Variants in GALNT13 observed in about 807,000 individuals in gnomAD.
The protein encoded by GALNT13 is UDP-GalNAc:polypeptide N-acetylgalactosaminyltransferase 13.
Under a neutral mutation model 64.2 loss-of-function variants are expected in GALNT13, and 28 were observed. The observed-to-expected ratio is 0.44, with a 90% CI of 0.32 to 0.60. The LOEUF is 0.60. Ranked by LOEUF, GALNT13 falls within the 20% of genes least tolerant of loss-of-function variation. The pLI is 0.05. For synonymous variants in GALNT13, 214 were observed against 224.6 expected (o/e 0.95, Z 0.42); for missense variants, 577 against 669.8 (o/e 0.86, Z 1.53).
intron 1 of GALNT13, among the ~76,000 whole-genome samples, chr2:153,898,396 A>G (rs2105285732): frequency 6.6e-6 from 1 of 152,326 alleles, no homozygotes; most frequent in Admixed American, 6.5e-5. Flanking sequence ...CAATTGCAAT[A>G]TGCCATTGTT....
chr2:153,310,050 C>T, the GALNT13 span, among the ~76,000 whole-genome samples: 1 of 152,122 alleles, frequency 6.6e-6, no homozygotes, highest in South Asian at 2.1e-4. Context: ...TCTAATACGT[C>T]CTCCTCTAAA....
At chr2:153,668,753 T>C in the GALNT13 span, among the ~76,000 whole-genome samples, 1 of 151,996 alleles carries the variant, frequency 6.6e-6, no homozygotes, top group African/African-American at 2.4e-5. Context: ...CTGGCAGCAG[T>C]GCACCCTAGG....
chr2:154,313,298 AT>A lies in GALNT13; in HGVS notation c.1156+11710del, dbSNP rs1402267891. 8.1e-5 allele frequency among the ~76,000 whole-genome samples: 12 copies of A among 148,372 alleles called. No individual in the cohort carries two copies. In the East Asian group the frequency reaches 2.4e-3, roughly 30 times the overall value. On this transcript the variant is annotated intron_variant, in intron 9 of 12. Transcript: ENST00000392825. ...AACTTAAGTTCTATTCACTTTAGAA[AT>A]AGTTGGAAACTATCCAGATTTCATA...
At chr2:153,423,973 A>G in the GALNT13 span, among the ~76,000 whole-genome samples, 1 of 151,502 alleles carries the variant, frequency 6.6e-6, no homozygotes, top group Non-Finnish European at 1.5e-5. Context: ...AACAAAAATG[A>G]TAATGGTCTA....
chr2:153,461,864 A>G, the GALNT13 span, among the ~76,000 whole-genome samples: 1 of 152,108 alleles, frequency 6.6e-6, no homozygotes, highest in African/African-American at 2.4e-5. Context: ...GCTCCTAACT[A>G]TAGACTTAAC....
chr2:153,709,201 T>A, the GALNT13 span, among the ~76,000 whole-genome samples: 1 of 151,960 alleles, frequency 6.6e-6, no homozygotes, highest in African/African-American at 2.4e-5. Context: ...ATTTACAAAT[T>A]GGGAGAAAAT....
chr2:153,576,362 A>C, the GALNT13 span, among the ~76,000 whole-genome samples: 1 of 152,134 alleles, frequency 6.6e-6, no homozygotes, highest in East Asian at 1.9e-4. Flanking sequence ...ACTGCCTTTC[A>C]AGGTTTCTTC....
chr2:153,657,754 A>G, the GALNT13 span, among the ~76,000 whole-genome samples: 1 of 152,146 alleles, frequency 6.6e-6, no homozygotes, highest in South Asian at 2.1e-4. Flanking sequence ...AGTCTCTTGT[A>G]GCATAAACCA....
At chr2:154,044,824 G>C (rs1365654631) in intron 3 of GALNT13, among the ~76,000 whole-genome samples, 3 of 152,166 alleles carry the variant, frequency 2.0e-5, no homozygotes, top group Non-Finnish European at 2.9e-5. Flanking sequence ...AGAAGAGATA[G>C]TGAATTAAAT....
chr2:154,074,030 A>G (rs1016517462), intron 3 of GALNT13, among the ~76,000 whole-genome samples: 1 of 151,804 alleles, frequency 6.6e-6, no homozygotes, highest in Non-Finnish European at 1.5e-5. Context: ...TATGTATATT[A>G]ATGTTTTAGG....
the GALNT13 span, among the ~76,000 whole-genome samples, chr2:153,627,583 T>G: frequency 6.6e-6 from 1 of 152,050 alleles, no homozygotes; most frequent in Non-Finnish European, 1.5e-5. Context: ...GAAGTAAAAG[T>G]ATAAATTGGT....
the GALNT13 span, among the ~76,000 whole-genome samples, chr2:153,823,733 A>C: frequency 4.6e-5 from 7 of 152,356 alleles, no homozygotes; most frequent in African/African-American, 1.7e-4. Context: ...CTAAGCCCTC[A>C]AAAGAAATTT....
chr2:153,186,466 A>G, the GALNT13 span, among the ~76,000 whole-genome samples: 5 of 151,890 alleles, frequency 3.3e-5, no homozygotes, highest in African/African-American at 1.2e-4. Flanking sequence ...TAAGCTTAGT[A>G]TGGTTATGTG....
the GALNT13 span, among the ~76,000 whole-genome samples, chr2:153,840,444 G>A: frequency 4.6e-5 from 7 of 152,116 alleles, no homozygotes; most frequent in Non-Finnish European, 1.0e-4. Context: ...AACCTTCTGG[G>A]CAGCAACAAT....
intron 4 of GALNT13, among the ~76,000 whole-genome samples, chr2:154,220,405 A>C (rs1688263819): frequency 6.6e-6 from 1 of 152,102 alleles, no homozygotes; most frequent in Non-Finnish European, 1.5e-5. Context: ...ATGACATACC[A>C]AAGAACTAAT....
At chr2:154,116,869 C>G (rs1386524884) in intron 3 of GALNT13, among the ~76,000 whole-genome samples, 1 of 152,052 alleles carries the variant, frequency 6.6e-6, no homozygotes, top group Non-Finnish European at 1.5e-5. Context: ...TCAGTGTTCT[C>G]TAGAGGAAAA....
At chr2:153,640,688 G>A in the GALNT13 span, among the ~76,000 whole-genome samples, 9 of 152,144 alleles carry the variant, frequency 5.9e-5, no homozygotes, top group East Asian at 1.4e-3. Context: ...GTGCTGAGGC[G>A]GGAGGATCAC....
the GALNT13 span, among the ~76,000 whole-genome samples, chr2:153,727,968 C>G: frequency 1.3e-5 from 2 of 152,140 alleles, no homozygotes; most frequent in East Asian, 3.9e-4. Flanking sequence ...TTGTTCAGCT[C>G]CCACTTATGA....
At chr2:153,993,713 A>AAC in intron 3 of GALNT13, among the ~76,000 whole-genome samples, 1 of 150,608 alleles carries the variant, frequency 6.6e-6, no homozygotes, top group Non-Finnish European at 1.5e-5. Flanking sequence ...AAAAAAAAAA[A>AAC]GATAAATTAA....
Sources: gnomAD v4.1 joint callset for allele counts (sites outside exome capture counted in the v4.1 genomes callset) on GRCh38, gnomAD v4.1.1 for gene constraint, MANE v1.5 for transcripts, NCBI Gene and HGNC (gene_info 2026-07-23, HGNC 2026-07-21) for gene names.